Variants in FBXO34 observed in about 807,000 individuals in gnomAD.
FBXO34 encodes the protein F-box protein 34, also known as F-box only protein 34.
Under a neutral mutation model 24.5 loss-of-function variants are expected in FBXO34, and 12 were observed. The observed-to-expected ratio is 0.49, with a 90% CI of 0.31 to 0.79. The LOEUF is 0.79. FBXO34 is among the 30% of genes least tolerant of loss of function. The pLI is 0.04. For missense variants in FBXO34, 823 were observed against 857.7 expected, an observed-to-expected ratio of 0.96 and a Z score of 0.51; for synonymous variants, 320 against 311.9, an observed-to-expected ratio of 1.03 and a Z score of -0.27.
the FBXO34 span, among the ~76,000 whole-genome samples, chr14:55,439,221 G>A: frequency 2.7e-5 from 4 of 149,130 alleles, no homozygotes; most frequent in South Asian, 4.4e-4. Flanking sequence ...TTACAGGCGT[G>A]AGCCACCTCA....
the FBXO34 span, among the ~76,000 whole-genome samples, chr14:55,376,122 G>A: frequency 3.3e-5 from 5 of 152,134 alleles, no homozygotes; most frequent in Non-Finnish European, 4.4e-5. Context: ...AGCCAGGTGT[G>A]CACTGAGACC....
the FBXO34 span, among the ~76,000 whole-genome samples, chr14:55,424,471 G>C: frequency 2.0e-5 from 3 of 152,186 alleles, no homozygotes; most frequent in African/African-American, 2.4e-5. Context: ...CATAACACAA[G>C]TGCAAGCTAT....
At chr14:55,399,660 G>A in the FBXO34 span, among the ~76,000 whole-genome samples, 5 of 152,156 alleles carry the variant, frequency 3.3e-5, no homozygotes, top group South Asian at 2.1e-4. Context: ...GACTAATATA[G>A]TATTTACTTT....
At chr14:55,432,668 A>T in the FBXO34 span, among the ~76,000 whole-genome samples, 2 of 152,252 alleles carry the variant, frequency 1.3e-5, no homozygotes, top group African/African-American at 4.8e-5. Context: ...TTTAGCAAAT[A>T]TAAAAAGAAT....
chr14:55,299,322 A>C (rs1467460490), intron 1 of FBXO34: 3 of 498,904 alleles, frequency 6.0e-6, no homozygotes, highest in Non-Finnish European at 1.1e-5. Context: ...CTCGACTCTC[A>C]CTCCAAAGCA....
chr14:55,283,933 AT>A (rs1253541707), intron 1 of FBXO34, among the ~76,000 whole-genome samples: 1 of 143,662 alleles, frequency 7.0e-6, no homozygotes, highest in Non-Finnish European at 1.6e-5. Context: ...GTGACTTTAC[AT>A]TCTAAGACTA....
chr14:55,405,255 C>G, the FBXO34 span, among the ~76,000 whole-genome samples: 1 of 152,192 alleles, frequency 6.6e-6, no homozygotes, highest in Non-Finnish European at 1.5e-5. Context: ...GAAGGGAGAA[C>G]AGAAGTATCT....
intron 1 of FBXO34, among the ~76,000 whole-genome samples, chr14:55,340,571 CTT>C (rs33963313): frequency 0.099 from 15,054 of 151,994 alleles, 2,049 homozygotes; most frequent in African/African-American, 0.31. Flanking sequence ...ATTTTAGCCT[CTT>C]TTTTTCTTTC....
chr14:55,370,399 ATAT>A (rs1424536261), downstream of FBXO34, among the ~76,000 whole-genome samples: 3 of 139,476 alleles, frequency 2.2e-5, no homozygotes, highest in African/African-American at 7.4e-5. Context: ...ATATTTAAAA[ATAT>A]CACCACAATT....
At chr14:55,436,355 G>A in the FBXO34 span, among the ~76,000 whole-genome samples, 4 of 152,030 alleles carry the variant, frequency 2.6e-5, no homozygotes, top group Middle Eastern at 3.4e-3. Flanking sequence ...AGTCCCCTCC[G>A]CCCACCTTAG....
the FBXO34 span, among the ~76,000 whole-genome samples, chr14:55,390,272 T>C: frequency 2.0e-5 from 3 of 152,058 alleles, no homozygotes; most frequent in African/African-American, 7.2e-5. Context: ...GGTTTCACCA[T>C]GTTGGCCAGG....
At chr14:55,409,600 A>T in the FBXO34 span, among the ~76,000 whole-genome samples, 1 of 151,580 alleles carries the variant, frequency 6.6e-6, no homozygotes, top group Admixed American at 6.6e-5. Flanking sequence ...AAGATTTCTG[A>T]GAGAAAGAGT....
chr14:55,344,645 A>G (rs991298697), intron 1 of FBXO34, among the ~76,000 whole-genome samples: 3 of 151,138 alleles, frequency 2.0e-5, no homozygotes, highest in African/African-American at 7.3e-5. Flanking sequence ...TGCTGCATCT[A>G]TCAACCTGTC....
intron 1 of FBXO34, among the ~76,000 whole-genome samples, chr14:55,331,607 A>AATATAAAATATATAAAAATAT (rs1450411052): frequency 7.0e-6 from 1 of 142,018 alleles, no homozygotes; most frequent in Admixed American, 7.2e-5. Context: ...TATATAAAAA[A>AATATAAAATATATAAAAATAT]ATATAAAATA....
the FBXO34 span, among the ~76,000 whole-genome samples, chr14:55,395,415 C>T: frequency 1.4e-4 from 22 of 152,324 alleles, no homozygotes; most frequent in South Asian, 3.3e-3. Flanking sequence ...TGCTGTGGCA[C>T]GATCTTGGCT....
At chr14:55,319,952 A>C (rs544248890) in intron 1 of FBXO34, among the ~76,000 whole-genome samples, 2 of 152,160 alleles carry the variant, frequency 1.3e-5, no homozygotes, top group Admixed American at 6.5e-5. Context: ...GATTACAGGC[A>C]TGAGCCACCA....
chr14:55,388,745 T>C, the FBXO34 span, among the ~76,000 whole-genome samples: 1 of 152,170 alleles, frequency 6.6e-6, no homozygotes, highest in African/African-American at 2.4e-5. Flanking sequence ...CTAAAATTGT[T>C]TGCAAATTTT....
intron 1 of FBXO34, among the ~76,000 whole-genome samples, chr14:55,334,968 AATAGGGTTT>A (rs1883725426): frequency 6.6e-6 from 1 of 152,194 alleles, no homozygotes. Flanking sequence ...GGATTTGGGG[AATAGGGTTT>A]ATGAAATGGT....
chr14:55,407,418 T>A, the FBXO34 span, among the ~76,000 whole-genome samples: 1 of 152,058 alleles, frequency 6.6e-6, no homozygotes, highest in African/African-American at 2.4e-5. Flanking sequence ...CGTGAGCCAC[T>A]GCCCCCGGCC....
Sources: gnomAD v4.1 joint callset for allele counts (sites outside exome capture counted in the v4.1 genomes callset) on GRCh38, gnomAD v4.1.1 for gene constraint, MANE v1.5 for transcripts, NCBI Gene and HGNC (gene_info 2026-07-23, HGNC 2026-07-21) for gene names.